Variants in DNAH17 observed in about 807,000 individuals in gnomAD.
The protein encoded by DNAH17 is axonemal beta dynein heavy chain 17.
A neutral mutation model predicts 485.6 loss-of-function variants in DNAH17; 376 were observed. The observed-to-expected ratio is 0.77, with a 90% confidence interval of 0.71 to 0.84. The LOEUF is 0.84. DNAH17 is among the 40% of genes least tolerant of loss of function. The pLI, the probability that DNAH17 is intolerant of heterozygous loss-of-function variation, is 0.00. For missense variants in DNAH17, 6,370 were observed against 5,839.3 expected (o/e 1.09, Z -2.96); for synonymous variants, 3,031 against 2,405.9 (o/e 1.26, Z -7.60).
chr17:78,526,813 C>A (rs117792178), intron 23 of DNAH17, 67 bp downstream of exon 23: 26 of 1,555,854 alleles, frequency 1.7e-5, no homozygotes, highest in Non-Finnish European at 2.2e-5. Flanking sequence ...CCCTGTATGC[C>A]GCAGGGCCCT....
chr17:78,477,933 T>C lies in DNAH17; in HGVS notation c.7992+1092A>G, dbSNP rs201903061. Among the ~76,000 whole-genome samples, 400 of 148,058 alleles carry C rather than the reference T, an allele frequency of 2.7e-3. 5 individuals are homozygous for C. The highest frequency in any genetic ancestry group is 9.3e-3 in the African/African-American group (366 of 39,312). Reference sequence around the variant, plus strand: ...TACCACATCACCATCACCACCATCATCACCACCATCACCATTATCATCTCC... The same window carrying C: ...TACCACATCACCATCACCACCATCACCACCACCATCACCATTATCATCTCC... On this transcript the variant is annotated intron_variant, in intron 51 of 80. Coordinates refer to ENST00000389840, the MANE Select transcript of DNAH17 (RefSeq NM_173628.4).
chr17:78,547,256 A>G (rs998701956), intron 16 of DNAH17, among the ~76,000 whole-genome samples: 1 of 152,202 alleles, frequency 6.6e-6, no homozygotes, highest in African/African-American at 2.4e-5. Flanking sequence ...GTTTCTCAGG[A>G]AGGGTATCCA....
At chr17:78,489,922 G>C (rs953376564) in intron 44 of DNAH17, 1 of 152,048 alleles carries the variant, frequency 6.6e-6, no homozygotes, top group African/African-American at 2.4e-5. Flanking sequence ...GGAGCCTCTT[G>C]CCTCAGGAAC....
chr17:78,511,153 G>C (rs2090626545), intron 26 of DNAH17, among the ~76,000 whole-genome samples: 1 of 152,206 alleles, frequency 6.6e-6, no homozygotes, highest in African/African-American at 2.4e-5. Context: ...GTCTCGCTTT[G>C]TCACCTGGGC....
In DNAH17 at chr17:78,575,172, T is replaced by C. The variant is rs182110967; in HGVS notation, c.-25-90A>G. ...TGGCACCGCAGGAAATCTCTGTTTC[T>C]ACCGGAGCAGGAACAAAACAGTTGG... On this transcript the variant is annotated intron_variant, in intron 1 of 80. Coordinates refer to ENST00000389840, the MANE Select transcript of DNAH17 (RefSeq NM_173628.4). The C allele has an allele frequency of 1.5e-3, 1,345 of 899,446 alleles. 10 individuals are homozygous for C. In the African/African-American group the frequency reaches 0.02, roughly 13 times the overall value. 55.7% of individuals were successfully genotyped at this position (899,446 alleles called of 1,614,324 possible).
At position 78,532,749 on chromosome 17, in the gene DNAH17, G is replaced by A. The variant is rs11077379; in HGVS notation, c.2860-13C>T. The stretch of plus-strand genomic sequence containing the variant: ...CTTCCAGGTCCATCTGAAAGGGGCA[G>A]GGGAGAAGCAAAAAGGGGAGGTATG... On this transcript the variant is annotated splice_polypyrimidine_tract_variant and intron_variant, in intron 19 of 80. Coordinates refer to ENST00000389840, the MANE Select transcript of DNAH17 (RefSeq NM_173628.4). 824,713 of 1,575,886 alleles carry A rather than the reference G, an allele frequency of 0.52. 216,562 individuals are homozygous for A. Among genetic ancestry groups the A allele is most frequent in the Middle Eastern group, 0.56 (3,249 of 5,854 alleles).
chr17:78,499,136 G>C, intron 36 of DNAH17, 24 bp from the exon 37 acceptor site: 1 of 1,515,756 alleles, frequency 6.6e-7, no homozygotes, highest in Admixed American at 2.1e-5. Context: ...GATGGAGAAA[G>C]GAAGAGCTGG....
At chr17:78,455,330 ATTTT>A (rs5822259) in intron 63 of DNAH17, among the ~76,000 whole-genome samples, 1 of 145,668 alleles carries the variant, frequency 6.9e-6, no homozygotes, top group African/African-American at 2.5e-5. Flanking sequence ...GTAGGACTCC[ATTTT>A]TTTTTTTTTA....
intron 17 of DNAH17, among the ~76,000 whole-genome samples, chr17:78,540,674 A>T (rs1314162452): frequency 1.2e-5 from 1 of 83,514 alleles, no homozygotes; most frequent in Non-Finnish European, 2.3e-5. Flanking sequence ...GTATGAGTAG[A>T]TGGACAGATG....
At chr17:78,462,759 G>A in intron 57 of DNAH17, 85 bp downstream of exon 57, 1 of 1,365,536 alleles carries the variant, frequency 7.3e-7, no homozygotes, top group Non-Finnish European at 1.0e-6. Context: ...AGTGTGACCA[G>A]CCCGTGGATG....
chr17:78,537,218 C>A (rs527832830), intron 19 of DNAH17, 81 bp downstream of exon 19: 47 of 1,411,366 alleles, frequency 3.3e-5, no homozygotes, highest in Non-Finnish European at 3.6e-5. Context: ...AACGGCGAAG[C>A]CTTGCCGAGT....
At chr17:78,558,439 G>A (rs146654811) in intron 13 of DNAH17, among the ~76,000 whole-genome samples, 185 bp from the exon 14 acceptor site, 50 of 80,274 alleles carry the variant, frequency 6.2e-4, no homozygotes, top group Admixed American at 1.0e-3. Flanking sequence ...ATCCTGAGCC[G>A]GAAAGCACTG....
chr17:78,558,801 T>A (rs978178472), intron 13 of DNAH17, among the ~76,000 whole-genome samples: 2 of 152,190 alleles, frequency 1.3e-5, no homozygotes, highest in African/African-American at 4.8e-5. Context: ...TGACCCGAGA[T>A]CAACAACAGG....
intron 74 of DNAH17, 108 bp downstream of exon 74, chr17:78,437,533 G>T: frequency 1.4e-6 from 1 of 734,966 alleles, no homozygotes; most frequent in Non-Finnish European, 2.2e-6. Context: ...CCAGAGGGGA[G>T]GTGTCCCCAG....
At chr17:78,562,007 T>TTCAC (rs757982379) in intron 11 of DNAH17, 27 bp from the exon 12 acceptor site, 51 of 1,542,380 alleles carry the variant, frequency 3.3e-5, no homozygotes, top group Non-Finnish European at 4.4e-5. Flanking sequence ...AGGGGGCCTC[T>TTCAC]TCACCACAGT....
chr17:78,467,310 C>T (rs1208602344), intron 55 of DNAH17, among the ~76,000 whole-genome samples: 2 of 152,232 alleles, frequency 1.3e-5, no homozygotes, highest in East Asian at 1.9e-4. Flanking sequence ...TGGGTCTCAG[C>T]CTCCCAGCTG....
At chr17:78,460,107 G>A (rs938297218) in intron 59 of DNAH17, 55 bp downstream of exon 59, 3 of 1,579,822 alleles carry the variant, frequency 1.9e-6, no homozygotes, top group African/African-American at 1.3e-5. Context: ...CAACAGCGAA[G>A]GCAGCTTCCT....
intron 67 of DNAH17, 71 bp downstream of exon 67, chr17:78,450,611 A>G: frequency 6.5e-7 from 1 of 1,535,168 alleles, no homozygotes; most frequent in South Asian, 1.2e-5. Flanking sequence ...CATGGTAGGG[A>G]GGCGCCGATC....
rs781391000 is a variant in DNAH17, at chr17:78,569,183, G to A, written c.1267C>T (p.Arg423Cys). 81 of 1,605,074 alleles carry A rather than the reference G, an allele frequency of 5.0e-5. No individual in the cohort carries two copies. Among genetic ancestry groups the A allele is most frequent in the Non-Finnish European group, 6.5e-5 (77 of 1,175,724 alleles). Residue 423 changes from arginine to cysteine, a missense_variant, in exon 9 of 81, where the codon CGC becomes TGC. Arg to Cys is a radical substitution (Grantham distance 180). Coordinates refer to ENST00000389840, the MANE Select transcript of DNAH17 (RefSeq NM_173628.4). ...AFSRINSFFQ[R>C]IQTIEELYKT... ...GTTTTTACCTCAATGGTCTGGATGCGCTGGAAGAAGGAATTTATCCTGGAA... is the reference window on the plus strand; with the variant it reads ...GTTTTTACCTCAATGGTCTGGATGCACTGGAAGAAGGAATTTATCCTGGAA...
Sources: allele counts gnomAD v4.1 joint callset (sites outside exome capture counted in the v4.1 genomes callset), GRCh38; gene constraint gnomAD v4.1.1; transcripts MANE v1.5; gene names NCBI Gene and HGNC (gene_info 2026-07-23, HGNC 2026-07-21).